The following ANKK1 variants were observed in gnomAD, a reference collection of about 807,000 sequenced individuals.
ANKK1 encodes the protein ankyrin repeat and protein kinase domain-containing protein 1.
Under a neutral mutation model 37.6 loss-of-function variants are expected in ANKK1, and 37 were observed. The observed-to-expected ratio is 0.98, with a 90% CI of 0.76 to 1.29. The LOEUF is 1.29. Ranked by LOEUF, ANKK1 falls within the 50% of genes most tolerant of loss-of-function variation. The probability of loss-of-function intolerance (pLI) is 0.00; values close to 1 mark genes in which losing one functional copy is unlikely to be tolerated. For synonymous variants in ANKK1, 415 were observed against 418.7 expected (o/e 0.99, Z 0.11); for missense variants, 1,019 against 990.6 (o/e 1.03, Z -0.39).
intron 3 of ANKK1, 58 bp downstream of exon 3, chr11:113,395,138 C>A (rs1950627234): frequency 1.3e-6 from 2 of 1,543,002 alleles, no homozygotes; most frequent in South Asian, 1.3e-5. Flanking sequence ...CTGCCACCAC[C>A]CTGCCTGGCC....
rs140803658 is a variant in ANKK1 at position 113,394,994 on chromosome 11, G to A, written c.546G>A (p.Ser182=). ...CCCGGATGCAGTACATCGAGAGGTC[G>A]GCTCTGCGGGGCATGCTCAGCTACA... ...QSTRMQYIER[S]ALRGMLSYIP... Residue 182 remains serine (S), a synonymous_variant, in exon 3 of 8, where the codon TCG becomes TCA. Coordinates refer to ENST00000303941, the MANE Select transcript of ANKK1 (RefSeq NM_178510.2). 4.1e-4 allele frequency: 656 copies of A among 1,613,522 alleles called. 5 individuals carry two copies. In the African/African-American group the frequency reaches 7.6e-3, roughly 19 times the overall value.
chr11:113,400,090 C>T lies in ANKK1; in HGVS notation c.2121C>T (p.Ile707=), dbSNP rs1247184031. 6.2e-7 allele frequency: 1 copy of T among 1,613,464 alleles called. No homozygotes were observed. The highest frequency in any genetic ancestry group is 8.5e-7 in the Non-Finnish European group (1 of 1,179,834). Residue 707 remains isoleucine (I), a synonymous_variant, in exon 8 of 8, where the codon ATC becomes ATT. Coordinates refer to ENST00000303941, the MANE Select transcript of ANKK1 (RefSeq NM_178510.2). ...HLAALKGNTA[I]LKVLVEAGAQ... Reference sequence around the variant, plus strand: ...CCGCCCTCAAGGGCAACACAGCCATCCTCAAAGTGCTGGTCGAGGCAGGCG... The same window carrying T: ...CCGCCCTCAAGGGCAACACAGCCATTCTCAAAGTGCTGGTCGAGGCAGGCG...
intron 4 of ANKK1, among the ~76,000 whole-genome samples, chr11:113,395,718 G>A (rs1950632184): frequency 6.6e-6 from 1 of 152,150 alleles, no homozygotes; most frequent in Non-Finnish European, 1.5e-5. Flanking sequence ...TAGATGCCAG[G>A]TAAAGAGACT....
intron 2 of ANKK1, 83 bp from the exon 3 acceptor site, chr11:113,394,846 T>C (rs961779358): frequency 6.5e-7 from 1 of 1,549,172 alleles, no homozygotes; most frequent in African/African-American, 1.4e-5. Context: ...AACAGGCAGA[T>C]AGCAGGAGGG....
Position 113,394,636 on chromosome 11 carries a change from C to G in ANKK1, c.481-293C>G, listed in dbSNP as rs952621448. On this transcript the variant is annotated intron_variant, in intron 2 of 7. Coordinates refer to ENST00000303941, the MANE Select transcript of ANKK1 (RefSeq NM_178510.2). ...CACCTACCACATCCTAACTACATGC[C>G]AGGCACTGTTTAAGTGCTTTTTGCA... 14 of 547,022 alleles carry G rather than the reference C, an allele frequency of 2.6e-5. No homozygotes were observed. In the Admixed American group the frequency reaches 3.1e-4, roughly 12 times the overall value. The allele number at this position is 547,022 out of a possible 1,614,324, so 33.9% of individuals were successfully genotyped here. A position where few individuals can be genotyped will look rare whatever the true frequency, so the allele number is the denominator to read the frequency against.
rs377262479 is a variant in ANKK1 at position 113,399,001 on chromosome 11, C to T, written c.1032C>T (p.Ser344=). ...GNYLKRALQL[S]DRKNLVPRDE... is the part of the protein sequence containing the mutation. ...ACCTGAAGCGGGCCCTTCAGCTCTC[C>T]GACCGTAAGAATTTGGTCCCGAGAG... is the stretch of plus-strand genomic sequence containing the variant. The change falls in exon 8 of 8, where the codon TCC becomes TCT. Residue 344 remains serine (S), a synonymous_variant. Coordinates refer to ENST00000303941, the MANE Select transcript of ANKK1 (RefSeq NM_178510.2). 7.6e-5 allele frequency: 121 copies of T among 1,593,526 alleles called. No homozygotes were observed. The highest frequency in any genetic ancestry group is 9.0e-5 in the Non-Finnish European group (105 of 1,169,878).
At chr11:113,392,403 C>A (rs1950594532) in intron 1 of ANKK1, among the ~76,000 whole-genome samples, 1 of 152,128 alleles carries the variant, frequency 6.6e-6, no homozygotes, top group Non-Finnish European at 1.5e-5. Flanking sequence ...ATAGGAGAAA[C>A]CTACACTAGC....
Position 113,397,939 on chromosome 11 carries a change from G to A in ANKK1, c.958-41G>A, listed in dbSNP as rs774257167. ...GGAGGAGGGCACAGGCTAGAACTGC[G>A]CCACTGATCTCCACCCTGCCTGCTG... On this transcript the variant is annotated intron_variant, in intron 6 of 7. Coordinates refer to ENST00000303941, the MANE Select transcript of ANKK1 (RefSeq NM_178510.2). 4.2e-5 allele frequency: 65 copies of A among 1,552,672 alleles called. 1 individual carries two copies. The highest frequency in any genetic ancestry group is 5.9e-5 in the South Asian group (5 of 84,084).
chr11:113,395,417 G>A lies in ANKK1; in HGVS notation c.682+9G>A, dbSNP rs1473792156. ...GAAGAAACCATACTCAGGTAAGCAG[G>A]CGGCTGTGGCTCTGTGTTGGGGGCA... On this transcript the variant is annotated intron_variant, in intron 4 of 7. Transcript: ENST00000303941. The A allele has an allele frequency of 6.2e-7, 1 of 1,613,702 alleles. No homozygotes were observed.
At position 113,396,047 on chromosome 11, in the gene ANKK1, G is replaced by A. The variant is rs759853241; in HGVS notation, c.683-20G>A. 1.2e-6 allele frequency: 2 copies of A among 1,612,748 alleles called. No individual in the cohort carries two copies. Among genetic ancestry groups the A allele is most frequent in the South Asian group, 2.2e-5 (2 of 90,826 alleles). The stretch of plus-strand genomic sequence containing the variant: ...AGCCCTACCTCTCAGCACCCACATA[G>A]CCTGAGCCTCCCTTTGCAGGGTTCA... On this transcript the variant is annotated intron_variant, in intron 4 of 7. Transcript: ENST00000303941.
At chr11:113,397,426 T>A in intron 6 of ANKK1, 84 bp downstream of exon 6, 4 of 1,169,256 alleles carry the variant, frequency 3.4e-6, no homozygotes, top group Non-Finnish European at 4.9e-6. Context: ...GGCCAGACAC[T>A]GAGCACTCAT....
Position 113,399,013 on chromosome 11 carries a change from T to C in ANKK1, c.1044T>C (p.Asn348=), listed in dbSNP as rs542555626. ...CCCTTCAGCTCTCCGACCGTAAGAA[T>C]TTGGTCCCGAGAGATGAGGAACTGT... is the stretch of plus-strand genomic sequence containing the variant. ...KRALQLSDRK[N]LVPRDEELCI... is the part of the protein sequence containing the mutation. Residue 348 remains asparagine, a synonymous_variant, in exon 8 of 8, where the codon AAT becomes AAC. Coordinates refer to ENST00000303941, the MANE Select transcript of ANKK1 (RefSeq NM_178510.2). 6.2e-7 allele frequency: 1 copy of C among 1,600,076 alleles called. No individual in the cohort carries two copies. Among genetic ancestry groups the C allele is most frequent in the Admixed American group, 1.7e-5 (1 of 58,412 alleles).
At position 113,397,285 on chromosome 11, in the gene ANKK1, G is replaced by A. The variant is rs1591263279; in HGVS notation, c.900G>A (p.Glu300=). 6.2e-7 allele frequency: 1 copy of A among 1,612,584 alleles called. No individual in the cohort carries two copies. The highest frequency in any genetic ancestry group is 1.7e-4 in the Middle Eastern group (1 of 6,060). The change falls in exon 6 of 8, where the codon GAG becomes GAA. Residue 300 remains glutamate (E), a synonymous_variant. Transcript: ENST00000303941. ...SLLQSRVAVP[E]SKALARKVSC... ...TGCAGAGTCGTGTGGCAGTCCCAGA[G>A]AGCAAGGCCCTGGCCAGGAAGGTGT...
rs1228319699 is a variant in ANKK1, at chr11:113,394,977, C to T, written c.529C>T (p.Gln177Ter). ...SKWMEQSTRM[Q>*]YIERSALRGM... is the part of the protein sequence containing the mutation. ...GTGGATGGAACAGTCCACCCGGATG[C>T]AGTACATCGAGAGGTCGGCTCTGCG... Residue 177 changes from glutamine to a stop codon, truncating the protein, a stop_gained, in exon 3 of 8, where the codon CAG becomes TAG. Transcript: ENST00000303941. LOFTEE classifies it high-confidence loss of function. The T allele has an allele frequency of 7.4e-6, 12 of 1,613,434 alleles. No homozygotes were observed. Among genetic ancestry groups the T allele is most frequent in the Non-Finnish European group, 9.3e-6 (11 of 1,179,692 alleles).
In ANKK1 at chr11:113,393,747, T is replaced by A; in HGVS notation, c.452T>A (p.Ile151Lys). Residue 151 changes from isoleucine (I) to lysine (K), a missense_variant, in exon 2 of 8, where the codon ATA becomes AAA. Ile to Lys is a moderately radical substitution (Grantham distance 102). Coordinates refer to ENST00000303941, the MANE Select transcript of ANKK1 (RefSeq NM_178510.2). ...CACCTGGACCTCAAGCCGGGCAACA[T>A]ACTCCTGGACAGCAACATGCATGTC... is the stretch of plus-strand genomic sequence containing the variant. ...LLHLDLKPGN[I>K]LLDSNMHVKI... The A allele has an allele frequency of 1.2e-6, 2 of 1,610,978 alleles. No individual in the cohort carries two copies. Among genetic ancestry groups the A allele is most frequent in the Non-Finnish European group, 1.7e-6 (2 of 1,179,182 alleles).
intron 1 of ANKK1, among the ~76,000 whole-genome samples, chr11:113,389,962 T>G (rs939727422): frequency 3.3e-5 from 5 of 152,204 alleles, no homozygotes; most frequent in African/African-American, 1.2e-4. Context: ...ATCTTCATTC[T>G]GATGAGAGAC....
At chr11:113,395,496 G>C (rs561844753) in intron 4 of ANKK1, 88 bp downstream of exon 4, 18 of 1,437,018 alleles carry the variant, frequency 1.3e-5, no homozygotes, top group South Asian at 2.4e-5. Flanking sequence ...CTGAGGGTTG[G>C]GGGGGGTCAA....
rs760737435 is a variant in ANKK1, at chr11:113,399,301, G to A, written c.1332G>A (p.Ala444=). ...CCCAGAATGGGGATGACGGCACTGCGCGCCTGCTCCTGGACCACGGGGCCT... is the reference window on the plus strand; with the variant it reads ...CCCAGAATGGGGATGACGGCACTGCACGCCTGCTCCTGGACCACGGGGCCT... ...FAAQNGDDGT[A]RLLLDHGACV... Residue 444 remains alanine (A), a synonymous_variant, in exon 8 of 8, where the codon GCG becomes GCA. Coordinates refer to ENST00000303941, the MANE Select transcript of ANKK1 (RefSeq NM_178510.2). The A allele has an allele frequency of 2.9e-5, 47 of 1,601,210 alleles. No homozygotes were observed. Among genetic ancestry groups the A allele is most frequent in the South Asian group, 9.1e-5 (8 of 88,376 alleles).
Position 113,390,601 on chromosome 11 carries a change from G to A in ANKK1, c.185+2532G>A, listed in dbSNP as rs924803213. On this transcript the variant is annotated intron_variant, in intron 1 of 7. Coordinates refer to ENST00000303941, the MANE Select transcript of ANKK1 (RefSeq NM_178510.2). The stretch of plus-strand genomic sequence containing the variant: ...AATACATAAATTAGCTGGGCGTGGT[G>A]GTGGGCACCTGTAGTCCCAGCTACT... 2.0e-5 allele frequency among the ~76,000 whole-genome samples: 3 copies of A among 152,076 alleles called. No individual in the cohort carries two copies. The East Asian group carries it at 5.8e-4, about 29-fold the overall frequency.
Sources: gnomAD v4.1 joint callset for allele counts (sites outside exome capture counted in the v4.1 genomes callset) on GRCh38, gnomAD v4.1.1 for gene constraint, MANE v1.5 for transcripts, NCBI Gene and HGNC (gene_info 2026-07-23, HGNC 2026-07-21) for gene names.